WDR27: variants seen among roughly 807,000 people sequenced by gnomAD.
The protein encoded by WDR27 is WD repeat-containing protein 27.
A neutral mutation model predicts 114.4 loss-of-function variants in WDR27; 100 were observed. The observed-to-expected ratio is 0.87, with a 90% CI of 0.74 to 1.03. The LOEUF (loss-of-function observed/expected upper bound fraction) is 1.03, where lower values mean the gene tolerates loss of function less well. Ranked by LOEUF, WDR27 falls within the 50% of genes least tolerant of loss-of-function variation. The pLI, the probability that WDR27 is intolerant of heterozygous loss-of-function variation, is 0.00. For missense variants in WDR27, 1,129 were observed against 1,092.9 expected, an observed-to-expected ratio of 1.03 and a Z score of -0.47; for synonymous variants, 449 against 423.1, an observed-to-expected ratio of 1.06 and a Z score of -0.75.
chr6:169,596,686 TAGAG>T (rs779273979), intron 23 of WDR27, among the ~76,000 whole-genome samples: 8 of 151,768 alleles, frequency 5.3e-5, no homozygotes, highest in African/African-American at 1.7e-4. Context: ...TAGAAAAAAA[TAGAG>T]AGAGAAGATA....
chr6:169,466,002 G>C (rs1785531298), intron 25 of WDR27, among the ~76,000 whole-genome samples: 1 of 152,122 alleles, frequency 6.6e-6, no homozygotes, highest in Admixed American at 6.6e-5. Flanking sequence ...ACTTAAGAAT[G>C]GTTAAGATGA....
rs1195280408 is a variant in WDR27, at chr6:169,650,197, ATCCC to A, written c.1482-926_1482-923del. On this transcript the variant is annotated intron_variant, in intron 14 of 25. Coordinates refer to ENST00000448612, the MANE Select transcript of WDR27 (RefSeq NM_182552.5). ...CTACTTATCCATCTCTCATCTCTCC[ATCCC>A]TCCATCTCCCACCATCCATGCACCT... 3.1e-5 allele frequency among the ~76,000 whole-genome samples: 4 copies of A among 130,702 alleles called. No homozygotes were observed. In the South Asian group the frequency reaches 1.0e-3, roughly 34 times the overall value. 85.7% of individuals were successfully genotyped at this position (130,702 alleles called of 152,430 possible). A position where few individuals can be genotyped will look rare whatever the true frequency, so the allele number is the denominator to read the frequency against.
intron 25 of WDR27, among the ~76,000 whole-genome samples, chr6:169,511,511 C>A (rs1179381298): frequency 7.5e-6 from 1 of 133,224 alleles, no homozygotes; most frequent in Non-Finnish European, 1.6e-5. Flanking sequence ...TAATTTCATT[C>A]TCTTAATCAT....
At chr6:169,628,600 A>C (rs1005753302) in intron 21 of WDR27, among the ~76,000 whole-genome samples, 1 of 152,218 alleles carries the variant, frequency 6.6e-6, no homozygotes, top group Admixed American at 6.5e-5. Flanking sequence ...GTATGTGAGA[A>C]TGGGTAATGC....
At chr6:169,665,646 G>C (rs3800545) in intron 6 of WDR27, 90 bp from the exon 7 acceptor site, 2 of 1,181,232 alleles carry the variant, frequency 1.7e-6, no homozygotes, top group Non-Finnish European at 2.4e-6. Context: ...CTCTTTACAC[G>C]TAATATTTAC....
intron 2 of WDR27, among the ~76,000 whole-genome samples, chr6:169,675,666 T>A (rs754260526): frequency 6.6e-6 from 1 of 152,216 alleles, no homozygotes; most frequent in Non-Finnish European, 1.5e-5. Flanking sequence ...TAGGTAAATT[T>A]AAACATTTTC....
chr6:169,672,138 C>T (rs772292748), intron 3 of WDR27, 117 bp downstream of exon 3: 18 of 1,052,708 alleles, frequency 1.7e-5, no homozygotes, highest in Non-Finnish European at 2.3e-5. Context: ...TTATCCCAAA[C>T]CCCCCGAGGG....
At chr6:169,541,336 T>C (rs151048844) in intron 25 of WDR27, among the ~76,000 whole-genome samples, 1 of 152,278 alleles carries the variant, frequency 6.6e-6, no homozygotes, top group Non-Finnish European at 1.5e-5. Context: ...CAAATCTATA[T>C]CCTGACCCAC....
intron 23 of WDR27, among the ~76,000 whole-genome samples, chr6:169,593,722 G>A (rs952616880): frequency 5.9e-5 from 9 of 152,114 alleles, no homozygotes; most frequent in East Asian, 1.9e-4. Context: ...GGTGGCGGGC[G>A]CCTGTAATCC....
intron 7 of WDR27, chr6:169,664,666 T>G (rs778075895): frequency 9.6e-7 from 1 of 1,039,936 alleles, no homozygotes; most frequent in Non-Finnish European, 1.2e-6. Flanking sequence ...GCGGTCAACT[T>G]TGTCAAAAGG....
At position 169,516,585 on chromosome 6, in the gene WDR27, A is replaced by T. The variant is rs149868091; in HGVS notation, c.2645+55834T>A. Among the ~76,000 whole-genome samples the T allele has an allele frequency of 5.8e-3, 876 of 152,136 alleles. 20 individuals carry two copies. Among genetic ancestry groups the T allele is most frequent in the East Asian group, 9.1e-3 (47 of 5,176 alleles). On this transcript the variant is annotated intron_variant, in intron 25 of 25. Transcript: ENST00000448612. ...TGGGGAAGACGATGTACAAACCAAA[A>T]ACCTTGAGAGGGAAGACTGCTGACG...
intron 24 of WDR27, among the ~76,000 whole-genome samples, chr6:169,576,766 CAAA>C (rs34375216): frequency 3.6e-5 from 5 of 137,458 alleles, no homozygotes. Context: ...CCCTTTCTCA[CAAA>C]AAAAAAAAAG....
At chr6:169,657,142 C>G (rs1424376107) in intron 13 of WDR27, among the ~76,000 whole-genome samples, 3 of 152,192 alleles carry the variant, frequency 2.0e-5, no homozygotes, top group African/African-American at 7.2e-5. Flanking sequence ...CATGGCAGGA[C>G]GAACAAGCAA....
At chr6:169,664,021 C>G in intron 8 of WDR27, 145 bp downstream of exon 8, 1 of 759,804 alleles carries the variant, frequency 1.3e-6, no homozygotes, top group South Asian at 2.0e-5. Context: ...CCTGCAGGGC[C>G]TCAGTGGTTT....
At chr6:169,641,452 T>G (rs1178788868) in intron 17 of WDR27, among the ~76,000 whole-genome samples, 3 of 151,970 alleles carry the variant, frequency 2.0e-5, no homozygotes, top group Admixed American at 6.6e-5. Context: ...GTTTCCCCTG[T>G]GGTGAGTGTG....
chr6:169,683,171 A>G (rs1416518551), intron 2 of WDR27, among the ~76,000 whole-genome samples: 2 of 152,238 alleles, frequency 1.3e-5, no homozygotes, highest in Non-Finnish European at 2.9e-5. Context: ...AACTTTCCAA[A>G]CCTGGAGATA....
intron 25 of WDR27, among the ~76,000 whole-genome samples, chr6:169,540,286 AAAATTATAT>A (rs1796672904): frequency 6.6e-6 from 1 of 152,210 alleles, no homozygotes; most frequent in Non-Finnish European, 1.5e-5. Flanking sequence ...CACGATGCTT[AAAATTATAT>A]TGACTTCTTT....
chr6:169,638,932 G>A (rs532762745), intron 17 of WDR27, among the ~76,000 whole-genome samples: 1 of 152,320 alleles, frequency 6.6e-6, no homozygotes, highest in Admixed American at 6.5e-5. Context: ...TTAGATTCAG[G>A]AGGTGCAGGT....
chr6:169,673,518 G>C (rs532398301), intron 2 of WDR27, among the ~76,000 whole-genome samples: 1 of 151,828 alleles, frequency 6.6e-6, no homozygotes, highest in African/African-American at 2.4e-5. Flanking sequence ...GGTCGTTGAA[G>C]AATTATGGTA....
Sources: allele counts gnomAD v4.1 joint callset (sites outside exome capture counted in the v4.1 genomes callset), GRCh38; gene constraint gnomAD v4.1.1; transcripts MANE v1.5; gene names NCBI Gene and HGNC (gene_info 2026-07-23, HGNC 2026-07-21).